DIPK1A: variants seen among roughly 807,000 people sequenced by gnomAD.
The protein encoded by DIPK1A is divergent protein kinase domain 1A, also known as family with sequence similarity 69 member A.
Under a neutral mutation model 40.8 loss-of-function variants are expected in DIPK1A, and 27 were observed. The observed-to-expected ratio is 0.66, with a 90% confidence interval of 0.49 to 0.91. The LOEUF (loss-of-function observed/expected upper bound fraction) is 0.91. Ranked by LOEUF, DIPK1A falls within the 40% of genes least tolerant of loss-of-function variation. The probability of loss-of-function intolerance (pLI) is 0.00; values close to 1 mark genes in which losing one functional copy is unlikely to be tolerated. For synonymous variants in DIPK1A, 166 were observed against 171.3 expected (o/e 0.97, Z 0.24); for missense variants, 412 against 505.7 (o/e 0.81, Z 1.78).
chr1:92,897,075 A>T (rs1649205585), intron 1 of DIPK1A, among the ~76,000 whole-genome samples: 1 of 151,874 alleles, frequency 6.6e-6, no homozygotes, highest in South Asian at 2.1e-4. Context: ...AACTAGTTCA[A>T]CCATTGTGGA....
At chr1:92,953,040 G>T (rs1423391244) in intron 1 of DIPK1A, among the ~76,000 whole-genome samples, 2 of 152,030 alleles carry the variant, frequency 1.3e-5, no homozygotes, top group East Asian at 3.9e-4. Context: ...CTTAAGAAAG[G>T]GGAACTCTGC....
intron 2 of DIPK1A, among the ~76,000 whole-genome samples, chr1:92,875,055 A>G (rs1161917149): frequency 6.6e-6 from 1 of 152,120 alleles, no homozygotes; most frequent in Non-Finnish European, 1.5e-5. Flanking sequence ...TAGTTAAAAG[A>G]CTGTAACACT....
intron 1 of DIPK1A, among the ~76,000 whole-genome samples, chr1:92,907,172 T>C (rs1649655563): frequency 6.6e-6 from 1 of 152,156 alleles, no homozygotes; most frequent in Admixed American, 6.5e-5. Context: ...AATTTTAAAG[T>C]TGAACAAAAC....
In DIPK1A at chr1:92,843,578, T is replaced by G. The variant is rs764451297; in HGVS notation, c.1092A>C (p.Ala364=). The change falls in exon 5 of 5, where the codon GCA becomes GCC. Residue 364 remains alanine, a synonymous_variant. Transcript: ENST00000370310. ...AGTCTTTGAGTAACTGACAAGCTTT[T>G]GCCAAGTTTGGTTGTATCACTTCTG... ...CTSEVIQPNL[A]KACQLLKDYL... 32 of 1,552,034 alleles carry G rather than the reference T, an allele frequency of 2.1e-5. No individual in the cohort carries two copies. The highest frequency in any genetic ancestry group is 2.8e-5 in the Non-Finnish European group (32 of 1,147,056).
At position 92,938,836 on chromosome 1, in the gene DIPK1A, T is replaced by C. The variant is rs973067953; in HGVS notation, c.54+22540A>G. Among the ~76,000 whole-genome samples, 5 of 152,356 alleles carry C rather than the reference T, an allele frequency of 3.3e-5. No homozygotes were observed. The East Asian group carries it at 7.7e-4, about 23-fold the overall frequency. On this transcript the variant is annotated intron_variant, in intron 1 of 4. Transcript: ENST00000370310. Reference sequence around the variant, plus strand: ...GGAGCTTGACACAAGTCAAATCATATACTTGAAATCTCATGCTAAAGCATA... The same window carrying C: ...GGAGCTTGACACAAGTCAAATCATACACTTGAAATCTCATGCTAAAGCATA...
intron 1 of DIPK1A, among the ~76,000 whole-genome samples, chr1:92,922,387 T>G (rs1234419783): frequency 6.6e-6 from 1 of 152,082 alleles, no homozygotes. Context: ...CTTCTGGATC[T>G]TGTGGTAAAT....
chr1:92,871,584 T>G (rs1468223502), intron 2 of DIPK1A, among the ~76,000 whole-genome samples: 1 of 152,222 alleles, frequency 6.6e-6, no homozygotes, highest in Non-Finnish European at 1.5e-5. Flanking sequence ...AAGTCTAAAG[T>G]TAACTGGTTG....
intron 2 of DIPK1A, among the ~76,000 whole-genome samples, chr1:92,865,169 C>A (rs111841805): frequency 0.025 from 3,856 of 151,890 alleles, 154 homozygotes; most frequent in African/African-American, 0.081. Flanking sequence ...GGAGATCAGC[C>A]TGGGCAACAC....
rs547195561 is a variant in DIPK1A, at chr1:92,904,581, A to G, written c.55-28151T>C. Among the ~76,000 whole-genome samples, 612 of 152,244 alleles carry G rather than the reference A, an allele frequency of 4.0e-3. 8 individuals carry two copies. The highest frequency in any genetic ancestry group is 0.014 in the African/African-American group (595 of 41,556). ...TTATGAGGTACACGAGATTTTGTAC[A>G]GGCATGCAATGAATAATAATCAACT... On this transcript the variant is annotated intron_variant, in intron 1 of 4. Coordinates refer to ENST00000370310, the MANE Select transcript of DIPK1A (RefSeq NM_001006605.5).
chr1:92,944,599 G>A (rs1263825529), intron 1 of DIPK1A, among the ~76,000 whole-genome samples: 1 of 152,156 alleles, frequency 6.6e-6, no homozygotes, highest in Non-Finnish European at 1.5e-5. Flanking sequence ...GCCCAACTAC[G>A]AACAAGTACC....
downstream of DIPK1A, chr1:92,841,782 A>T: frequency 1.2e-6 from 2 of 1,611,470 alleles, no homozygotes; most frequent in Non-Finnish European, 1.7e-6. Context: ...CCGTCCCAAA[A>T]TGTCCCTTGC....
intron 1 of DIPK1A, among the ~76,000 whole-genome samples, chr1:92,895,850 T>C (rs1241054868): frequency 2.0e-5 from 3 of 152,062 alleles, no homozygotes; most frequent in East Asian, 3.9e-4. Context: ...AGCATTCTTA[T>C]ACACCAATAA....
At chr1:92,842,011 T>A (rs926101812), downstream of DIPK1A, 1 of 821,920 alleles carries the variant, frequency 1.2e-6, no homozygotes, top group African/African-American at 1.8e-5. Flanking sequence ...CAGGTTTTTT[T>A]CTCCAAGAAA....
chr1:92,845,185 G>A (rs1009088435), intron 4 of DIPK1A, among the ~76,000 whole-genome samples: 6 of 150,846 alleles, frequency 4.0e-5, no homozygotes, highest in Non-Finnish European at 8.9e-5. Context: ...CTGACCTTGT[G>A]ATCCATCCGT....
At chr1:92,838,928 G>A (rs929963614), downstream of DIPK1A, among the ~76,000 whole-genome samples, 1 of 151,362 alleles carries the variant, frequency 6.6e-6, no homozygotes, top group African/African-American at 2.4e-5. Flanking sequence ...GCAAATGCAT[G>A]TAGTAATCAC....
chr1:92,887,775 AT>A (rs1388765110), intron 1 of DIPK1A, among the ~76,000 whole-genome samples: 4 of 152,164 alleles, frequency 2.6e-5, no homozygotes, highest in African/African-American at 7.2e-5. Context: ...ACTATTCGTC[AT>A]TTTACAGATG....
At chr1:92,834,738 G>A (rs1213903101) in intron 4 of DIPK1A, 1 of 1,611,094 alleles carries the variant, frequency 6.2e-7, no homozygotes, top group East Asian at 2.2e-5. Context: ...GTAAGACAGT[G>A]AAAGCAACAG....
At chr1:92,872,013 A>G (rs1202375008) in intron 2 of DIPK1A, among the ~76,000 whole-genome samples, 1 of 146,656 alleles carries the variant, frequency 6.8e-6, no homozygotes, top group African/African-American at 2.5e-5. Flanking sequence ...TGGTAATTCC[A>G]TGTTTAACAA....
At chr1:92,930,291 C>G (rs953114853) in intron 1 of DIPK1A, among the ~76,000 whole-genome samples, 2 of 152,278 alleles carry the variant, frequency 1.3e-5, no homozygotes, top group South Asian at 2.1e-4. Flanking sequence ...TCATATAGCC[C>G]TTAAAACTAT....
Sources: gnomAD v4.1 joint callset for allele counts (sites outside exome capture counted in the v4.1 genomes callset) on GRCh38, gnomAD v4.1.1 for gene constraint, MANE v1.5 for transcripts, NCBI Gene and HGNC (gene_info 2026-07-23, HGNC 2026-07-21) for gene names.